The following C1D variants were observed in gnomAD, a reference collection of about 807,000 sequenced individuals.
C1D encodes nuclear nucleic acid-binding protein C1D.
A neutral mutation model predicts 17.5 loss-of-function variants in C1D; 10 were observed. The observed-to-expected ratio is 0.57, with a 90% CI of 0.35 to 0.97. The LOEUF is 0.97. C1D is among the 50% of genes least tolerant of loss of function. The pLI is 0.01. For missense variants in C1D, 136 were observed against 160.1 expected, an observed-to-expected ratio of 0.85 and a Z score of 0.81; for synonymous variants, 49 against 54.0, an observed-to-expected ratio of 0.91 and a Z score of 0.40.
Position 68,042,623 on chromosome 2 carries a change from G to C in C1D, c.*266C>G. 4.5e-6 allele frequency: 1 copy of C among 222,904 alleles called. No individual in the cohort carries two copies. Among genetic ancestry groups the C allele is most frequent in the African/African-American group, 2.3e-5 (1 of 42,922 alleles). The allele number at this position is 222,904 out of a possible 1,614,324, so 13.8% of individuals were successfully genotyped here. A position where few individuals can be genotyped will look rare whatever the true frequency, so the allele number is the denominator to read the frequency against. ...GCTGCTTATAAAATGGTACTTGCAA[G>C]ACTGACCTATATAAAGAAATAAGAG... On this transcript the variant is annotated 3_prime_UTR_variant, in exon 5 of 5. Coordinates refer to ENST00000410067, the MANE Select transcript of C1D (RefSeq NM_173177.3).
chr2:68,050,005 T>C (rs963228719), intron 1 of C1D, among the ~76,000 whole-genome samples: 3 of 152,182 alleles, frequency 2.0e-5, no homozygotes, highest in Non-Finnish European at 2.9e-5. Context: ...GAAGATATCA[T>C]CACCTATCAG....
At position 68,042,936 on chromosome 2, in the gene C1D, A is replaced by G. The variant is rs10444; in HGVS notation, c.379T>C (p.Ser127Pro). 283,024 of 1,548,118 alleles carry G rather than the reference A, an allele frequency of 0.18. 30,626 individuals carry two copies. Among genetic ancestry groups the G allele is most frequent in the African/African-American group, 0.46 (32,831 of 70,698 alleles). ...TTGGCAACTTTTGATGCATTTTTCG[A>G]TTTTGGTTCCCAGAGGGCATTTTTT... is the stretch of plus-strand genomic sequence containing the variant. ...FVKNALWEPK[S>P]KNASKVANKG... The change falls in exon 5 of 5, where the codon TCG (serine) becomes CCG (proline). Residue 127 changes from serine to proline, a missense_variant. Ser to Pro is a moderately conservative substitution (Grantham distance 74). Coordinates refer to ENST00000410067, the MANE Select transcript of C1D (RefSeq NM_173177.3).
intron 1 of C1D, chr2:68,053,258 A>T (rs1671340456): frequency 1.3e-6 from 2 of 1,490,556 alleles, no homozygotes; most frequent in Admixed American, 4.2e-5. Flanking sequence ...ACCCTAACAG[A>T]TGTTACTGCC....
chr2:68,054,688 A>G (rs540366303), intron 1 of C1D, among the ~76,000 whole-genome samples: 1 of 152,270 alleles, frequency 6.6e-6, no homozygotes, highest in South Asian at 2.1e-4. Context: ...ACAGCCAGGC[A>G]CCATGGCTCA....
chr2:68,045,423 TA>T, intron 4 of C1D, among the ~76,000 whole-genome samples: 1 of 152,204 alleles, frequency 6.6e-6, no homozygotes, highest in African/African-American at 2.4e-5. Context: ...TACCAGACCT[TA>T]TATACTGTAC....
At chr2:68,043,401 C>T (rs768940360) in intron 4 of C1D, among the ~76,000 whole-genome samples, 1 of 152,170 alleles carries the variant, frequency 6.6e-6, no homozygotes, top group African/African-American at 2.4e-5. Flanking sequence ...TACATATTAA[C>T]TGTTTTGTAT....
intron 1 of C1D, among the ~76,000 whole-genome samples, chr2:68,047,853 T>A (rs971393345): frequency 6.6e-6 from 1 of 152,228 alleles, no homozygotes; most frequent in African/African-American, 2.4e-5. Context: ...TAAAGTTTGA[T>A]AAATAGATCC....
At chr2:68,048,233 T>C (rs1295317324) in intron 1 of C1D, among the ~76,000 whole-genome samples, 4 of 152,316 alleles carry the variant, frequency 2.6e-5, no homozygotes, top group African/African-American at 7.2e-5. Context: ...TAAGTCCAAA[T>C]TTTAGAAGCA....
chr2:68,049,184 T>A (rs559786958), intron 1 of C1D, among the ~76,000 whole-genome samples: 160 of 146,118 alleles, frequency 1.1e-3, no homozygotes, highest in Non-Finnish European at 1.8e-3. Context: ...GCAACAGAGT[T>A]AGACTGTCTC....
chr2:68,057,215 C>T (rs1181628171), intron 1 of C1D, among the ~76,000 whole-genome samples: 10 of 152,200 alleles, frequency 6.6e-5, no homozygotes, highest in South Asian at 2.1e-4. Context: ...TGCAGTGGTG[C>T]GATCTCAACT....
rs565655805 is a variant in C1D, at chr2:68,044,055, A to C, written c.262-1002T>G. On this transcript the variant is annotated intron_variant, in intron 4 of 4. Transcript: ENST00000410067. The stretch of plus-strand genomic sequence containing the variant: ...CTTCCTTCCAGTCTACTCAAATGTT[A>C]ACCTTGTCATTGAGGCCCTGACTTC... Among the ~76,000 whole-genome samples, 9 of 152,302 alleles carry C rather than the reference A, an allele frequency of 5.9e-5. No individual in the cohort carries two copies. The East Asian group carries it at 1.7e-3, about 29-fold the overall frequency.
chr2:68,053,086 G>A (rs371060575), intron 1 of C1D: 20 of 1,550,584 alleles, frequency 1.3e-5, no homozygotes, highest in African/African-American at 9.6e-5. Context: ...ACCCTCCTCC[G>A]GGGTTCTATA....
At chr2:68,055,745 T>C (rs1483064906) in intron 1 of C1D, among the ~76,000 whole-genome samples, 1 of 152,158 alleles carries the variant, frequency 6.6e-6, no homozygotes, top group African/African-American at 2.4e-5. Flanking sequence ...TATAGAGGGG[T>C]AAAATTATGT....
chr2:68,060,216 T>C (rs916245848), intron 1 of C1D, among the ~76,000 whole-genome samples: 1 of 152,246 alleles, frequency 6.6e-6, no homozygotes, highest in Non-Finnish European at 1.5e-5. Flanking sequence ...CCACCTTCAC[T>C]TCTTTCCAGC....
At chr2:68,051,518 T>C (rs528148426) in intron 1 of C1D, among the ~76,000 whole-genome samples, 1 of 152,242 alleles carries the variant, frequency 6.6e-6, no homozygotes, top group African/African-American at 2.4e-5. Flanking sequence ...AAATAATAAC[T>C]ATTTATCTTT....
chr2:68,046,264 T>C lies in C1D; in HGVS notation c.205+80A>G, dbSNP rs1193805873. 3.6e-6 allele frequency: 4 copies of C among 1,114,654 alleles called. No individual in the cohort carries two copies. The African/African-American group carries it at 6.3e-5, about 17-fold the overall frequency. 69.0% of individuals were successfully genotyped at this position (1,114,654 alleles called of 1,614,324 possible). A position where few individuals can be genotyped will look rare whatever the true frequency, so the allele number is the denominator to read the frequency against. On this transcript the variant is annotated intron_variant, in intron 3 of 4. Transcript: ENST00000410067. ...GTTATAAAGTATAATTGTAAATAAATTGTTAGCATTTTAAAAATAAATCAT... is the reference window on the plus strand; with the variant it reads ...GTTATAAAGTATAATTGTAAATAAACTGTTAGCATTTTAAAAATAAATCAT...
At chr2:68,054,979 T>TAAA (rs375742608) in intron 1 of C1D, among the ~76,000 whole-genome samples, 19 of 137,522 alleles carry the variant, frequency 1.4e-4, no homozygotes, top group African/African-American at 4.5e-4. Flanking sequence ...CTTTTTTTTT[T>TAAA]AAAAAAAAAA....
chr2:68,043,207 C>T (rs1161219019), intron 4 of C1D, among the ~76,000 whole-genome samples, 154 bp from the exon 5 acceptor site: 1 of 152,052 alleles, frequency 6.6e-6, no homozygotes, highest in African/African-American at 2.4e-5. Context: ...AGGATAAATA[C>T]GCTCCCTGCT....
At chr2:68,052,611 AG>A (rs1351096514) in intron 1 of C1D, among the ~76,000 whole-genome samples, 1 of 152,208 alleles carries the variant, frequency 6.6e-6, no homozygotes, top group African/African-American at 2.4e-5. Flanking sequence ...AGAACAGGTT[AG>A]GGTGAACACT....
Sources: allele counts gnomAD v4.1 joint callset (sites outside exome capture counted in the v4.1 genomes callset), GRCh38; gene constraint gnomAD v4.1.1; transcripts MANE v1.5; gene names NCBI Gene and HGNC (gene_info 2026-07-23, HGNC 2026-07-21).